The following PTPRD variants were observed in gnomAD, a reference collection of about 807,000 sequenced individuals.
PTPRD encodes the protein receptor-type tyrosine-protein phosphatase delta.
A neutral mutation model predicts 214.5 loss-of-function variants in PTPRD; 34 were observed. The observed-to-expected ratio is 0.16, with a 90% confidence interval of 0.12 to 0.21. The LOEUF (loss-of-function observed/expected upper bound fraction) is 0.21. Among genes scored for constraint, PTPRD ranks in the 10% least tolerant of loss-of-function variants. PTPRD has a pLI of 1.00. For synonymous variants in PTPRD, 1,128 were observed against 845.7 expected (o/e 1.33, Z -5.79); for missense variants, 2,545 against 2,398.7 (o/e 1.06, Z -1.27).
chr9:8,979,672 T>G lies in PTPRD; in HGVS notation c.-104+39025A>C, dbSNP rs193092832. ...CACTAATTATCAGGGAAATGCAAATTAAAACCAGTATCAGATATTACCTCA... is the reference window on the plus strand; with the variant it reads ...CACTAATTATCAGGGAAATGCAAATGAAAACCAGTATCAGATATTACCTCA... On this transcript the variant is annotated intron_variant, in intron 11 of 45. Transcript: ENST00000381196. Among the ~76,000 whole-genome samples the G allele has an allele frequency of 4.6e-5, 7 of 152,108 alleles. No homozygotes were observed. In the East Asian group the frequency reaches 1.4e-3, roughly 29 times the overall value.
At chr9:9,595,473 T>C (rs982084452) in intron 7 of PTPRD, among the ~76,000 whole-genome samples, 5 of 150,660 alleles carry the variant, frequency 3.3e-5, no homozygotes, top group African/African-American at 1.2e-4. Context: ...TATGTACACA[T>C]GCATACACAT....
chr9:9,369,216 G>C (rs544414325), intron 9 of PTPRD, among the ~76,000 whole-genome samples: 7 of 152,062 alleles, frequency 4.6e-5, no homozygotes, highest in East Asian at 1.9e-4. Context: ...CTAGTTTACA[G>C]TCCCACCAAC....
intron 4 of PTPRD, among the ~76,000 whole-genome samples, chr9:9,952,857 T>C (rs2093579270): frequency 6.6e-6 from 1 of 152,180 alleles, no homozygotes; most frequent in Admixed American, 6.5e-5. Context: ...GTTTCTGATC[T>C]GTTCACTTAT....
chr9:9,623,002 G>C lies in PTPRD; in HGVS notation c.-286-48221C>G, dbSNP rs557281860. 8.5e-5 allele frequency among the ~76,000 whole-genome samples: 13 copies of C among 152,286 alleles called. No homozygotes were observed. The South Asian group carries it at 2.1e-3, about 24-fold the overall frequency. ...ATAGAGATATACAGTTTGCTACCTT[G>C]TGTGGTAATAGAAAATGTTAGCTTA... On this transcript the variant is annotated intron_variant, in intron 7 of 45. Coordinates refer to ENST00000381196, the MANE Select transcript of PTPRD (RefSeq NM_002839.4).
At chr9:10,467,634 T>C (rs112566865) in intron 2 of PTPRD, among the ~76,000 whole-genome samples, 4 of 151,842 alleles carry the variant, frequency 2.6e-5, no homozygotes, top group Admixed American at 6.5e-5. Context: ...TCAATATATA[T>C]GTATGACAAA....
rs990608667 is a variant in PTPRD, at chr9:9,845,034, A to C, written c.-367-78183T>G. The stretch of plus-strand genomic sequence containing the variant: ...ATACTGTATGTATATATATACTGCT[A>C]TATATATATAGCTATATATAGAGCA... On this transcript the variant is annotated intron_variant, in intron 5 of 45. Transcript: ENST00000381196. 1.9e-4 allele frequency among the ~76,000 whole-genome samples: 27 copies of C among 143,404 alleles called. 1 individual carries two copies. The highest frequency in any genetic ancestry group is 6.5e-4 in the South Asian group (3 of 4,626). 94.1% of individuals were successfully genotyped at this position (143,404 alleles called of 152,430 possible).
At chr9:10,229,185 T>TA (rs1277424085) in intron 3 of PTPRD, among the ~76,000 whole-genome samples, 2 of 151,994 alleles carry the variant, frequency 1.3e-5, no homozygotes, top group African/African-American at 2.4e-5. Flanking sequence ...TGGCGATCAT[T>TA]AAAAAATCAG....
At chr9:10,457,415 A>G (rs763869504) in intron 2 of PTPRD, among the ~76,000 whole-genome samples, 26 of 151,944 alleles carry the variant, frequency 1.7e-4, no homozygotes, top group Non-Finnish European at 3.8e-4. Flanking sequence ...TAGTCATCAT[A>G]TAGTCTATAA....
At chr9:9,674,368 A>G (rs1359105710) in intron 7 of PTPRD, among the ~76,000 whole-genome samples, 2 of 151,758 alleles carry the variant, frequency 1.3e-5, no homozygotes, top group Non-Finnish European at 3.0e-5. Context: ...TCCGTGATAA[A>G]GTGCAACAAT....
chr9:9,042,591 A>T (rs1046554256), intron 10 of PTPRD, among the ~76,000 whole-genome samples: 1 of 146,218 alleles, frequency 6.8e-6, no homozygotes, highest in African/African-American at 2.5e-5. Context: ...AATACTAGCC[A>T]CTTAGCATTT....
At chr9:8,919,543 G>T (rs758118561) in intron 11 of PTPRD, among the ~76,000 whole-genome samples, 1 of 152,124 alleles carries the variant, frequency 6.6e-6, no homozygotes, top group Non-Finnish European at 1.5e-5. Flanking sequence ...AGCAAAACCT[G>T]CTGATTAATG....
rs1297507161 is a variant in PTPRD at position 8,319,846 on chromosome 9, A to C, written c.5655T>G (p.Ala1885=). 3 of 1,612,966 alleles carry C rather than the reference A, an allele frequency of 1.9e-6. No individual in the cohort carries two copies. The highest frequency in any genetic ancestry group is 2.5e-6 in the Non-Finnish European group (3 of 1,179,348). Residue 1885 remains alanine (A), a synonymous_variant, in exon 45 of 46, where the codon GCT becomes GCG. Transcript: ENST00000381196. ...TVKMLRTQRP[A]MVQTEDQYQF... ...ATTTTCTCACCTCTGTCTGTACCAT[A>C]GCTGGTCGTTGTGTTCTTAACATTT...
At chr9:10,207,684 T>C (rs1218216046) in intron 3 of PTPRD, among the ~76,000 whole-genome samples, 1 of 151,822 alleles carries the variant, frequency 6.6e-6, no homozygotes, top group Admixed American at 6.6e-5. Flanking sequence ...GCAAGAAACT[T>C]GTCATTTATA....
chr9:10,508,007 C>A (rs1042921142), intron 2 of PTPRD, among the ~76,000 whole-genome samples: 2 of 152,142 alleles, frequency 1.3e-5, no homozygotes, highest in African/African-American at 2.4e-5. Context: ...TCAGAGTGAA[C>A]AGGCAACCTA....
chr9:10,568,416 G>A (rs202042284), intron 2 of PTPRD, among the ~76,000 whole-genome samples: 114 of 151,972 alleles, frequency 7.5e-4, no homozygotes, highest in African/African-American at 2.5e-3. Context: ...GAATAGTGCC[G>A]CAATAAACAT....
chr9:9,056,487 G>C (rs547971948), intron 10 of PTPRD, among the ~76,000 whole-genome samples: 1 of 152,222 alleles, frequency 6.6e-6, no homozygotes, highest in African/African-American at 2.4e-5. Flanking sequence ...TCTGATCAAG[G>C]GAATGATTAG....
chr9:9,270,962 T>C (rs1408782704), intron 9 of PTPRD, among the ~76,000 whole-genome samples: 2 of 151,244 alleles, frequency 1.3e-5, no homozygotes, highest in Non-Finnish European at 3.0e-5. Context: ...GATTAACTTA[T>C]TAATATAAAG....
intron 11 of PTPRD, among the ~76,000 whole-genome samples, chr9:8,975,705 T>C (rs1403367353): frequency 6.6e-6 from 1 of 151,814 alleles, no homozygotes; most frequent in Non-Finnish European, 1.5e-5. Context: ...ACTCTGATAC[T>C]TTTTAGATAT....
intron 2 of PTPRD, among the ~76,000 whole-genome samples, chr9:10,520,172 C>T (rs833402): frequency 0.94 from 143,410 of 152,200 alleles, 67,730 homozygotes; most frequent in Non-Finnish European, 0.98. Context: ...TGTCAAGTTG[C>T]AAATGCAAAG....
Sources: gnomAD v4.1 joint callset for allele counts (sites outside exome capture counted in the v4.1 genomes callset) on GRCh38, gnomAD v4.1.1 for gene constraint, MANE v1.5 for transcripts, NCBI Gene and HGNC (gene_info 2026-07-23, HGNC 2026-07-21) for gene names.